SUCNR1: variants seen among roughly 807,000 people sequenced by gnomAD.
SUCNR1 encodes G-protein coupled receptor 91.
In SUCNR1, 5 loss-of-function variants were observed where a neutral mutation model predicts 2.4. The ratio of observed to expected loss-of-function variants is 2.07; its 90% CI spans 1.08 to 4.36. The LOEUF (loss-of-function observed/expected upper bound fraction) is 4.36, where lower values mean the gene tolerates loss of function less well. SUCNR1 is among the 30% of genes most tolerant of loss of function. The probability of loss-of-function intolerance (pLI) is 0.00; values close to 1 mark genes in which losing one functional copy is unlikely to be tolerated. For missense variants in SUCNR1, 373 were observed against 399.2 expected (o/e 0.93, Z 0.56); for synonymous variants, 162 against 143.9 (o/e 1.13, Z -0.90).
At chr3:151,879,570 T>C (rs1272018878) in intron 1 of SUCNR1, among the ~76,000 whole-genome samples, 1 of 152,196 alleles carries the variant, frequency 6.6e-6, no homozygotes. Context: ...GATACCTTGA[T>C]CTTGGACTTT....
intron 1 of SUCNR1, among the ~76,000 whole-genome samples, chr3:151,878,045 T>G (rs1056463760): frequency 6.6e-6 from 1 of 151,760 alleles, no homozygotes; most frequent in Non-Finnish European, 1.5e-5. Flanking sequence ...GAAGACAGAG[T>G]ATGAAAAACA....
At position 151,883,270 on chromosome 3, in the gene SUCNR1, G is replaced by T. The variant is rs1018720148; in HGVS notation, c.*1722G>T. The stretch of plus-strand genomic sequence containing the variant: ...CTTATCAGAAAGGGCCACAGAAAAG[G>T]CCTTAAGAAAGAAAGATTCACTTAC... On this transcript the variant is annotated 3_prime_UTR_variant, in exon 3 of 3. Coordinates refer to ENST00000362032, the MANE Select transcript of SUCNR1 (RefSeq NM_033050.6). The T allele has an allele frequency of 6.6e-6, 1 of 151,466 alleles. No homozygotes were observed. Among genetic ancestry groups the T allele is most frequent in the African/African-American group, 2.4e-5 (1 of 41,264 alleles). 9.4% of individuals were successfully genotyped at this position (151,466 alleles called of 1,614,324 possible).
In SUCNR1 at chr3:151,874,111, C is replaced by T. The variant is rs868862971; in HGVS notation, c.-42+405C>T. Among the ~76,000 whole-genome samples the T allele has an allele frequency of 7.5e-3, 689 of 92,136 alleles. 7 individuals are homozygous for T. Among genetic ancestry groups the T allele is most frequent in the African/African-American group, 0.029 (610 of 21,314 alleles). 60.4% of individuals were successfully genotyped at this position (92,136 alleles called of 152,430 possible). On this transcript the variant is annotated intron_variant, in intron 1 of 2. Coordinates refer to ENST00000362032, the MANE Select transcript of SUCNR1 (RefSeq NM_033050.6). ...ACACACACACACACACACACACACA[C>T]ACACATATACATACATATATATATA...
At position 151,881,695 on chromosome 3, in the gene SUCNR1, G is replaced by T. The variant is rs374093240; in HGVS notation, c.*147G>T. On this transcript the variant is annotated 3_prime_UTR_variant, in exon 3 of 3. Coordinates refer to ENST00000362032, the MANE Select transcript of SUCNR1 (RefSeq NM_033050.6). ...CCAGAGTATGTGAAAAGAATGGGAC[G>T]ACAAGAATGTACTGGTTTCTTCCTC... 5 of 712,730 alleles carry T rather than the reference G, an allele frequency of 7.0e-6. No individual in the cohort carries two copies. The highest frequency in any genetic ancestry group is 1.1e-5 in the Non-Finnish European group (5 of 443,812). The allele number at this position is 712,730 out of a possible 1,614,324, so 44.2% of individuals were successfully genotyped here. A position where few individuals can be genotyped will look rare whatever the true frequency, so the allele number is the denominator to read the frequency against.
chr3:151,876,556 CA>C (rs1266280905), intron 1 of SUCNR1, among the ~76,000 whole-genome samples: 2 of 152,012 alleles, frequency 1.3e-5, no homozygotes, highest in Non-Finnish European at 2.9e-5. Flanking sequence ...AAGCTATTAA[CA>C]TTTTGATGCA....
At chr3:151,877,508 A>G (rs1164063434) in intron 1 of SUCNR1, among the ~76,000 whole-genome samples, 1 of 152,188 alleles carries the variant, frequency 6.6e-6, no homozygotes, top group Non-Finnish European at 1.5e-5. Flanking sequence ...AATGAAAGCT[A>G]TAGAGCAGTA....
intron 1 of SUCNR1, among the ~76,000 whole-genome samples, chr3:151,876,734 T>C (rs1717934477): frequency 6.6e-6 from 1 of 152,044 alleles, no homozygotes; most frequent in African/African-American, 2.4e-5. Flanking sequence ...CTTATCATAT[T>C]ATATTATATA....
chr3:151,874,105 C>CATATAT (rs1319151155), intron 1 of SUCNR1, among the ~76,000 whole-genome samples: 6 of 131,214 alleles, frequency 4.6e-5, no homozygotes, highest in African/African-American at 1.9e-4. Context: ...CACACACACA[C>CATATAT]ACACACACAC....
Position 151,880,766 on chromosome 3 carries a change from A to C in SUCNR1, c.223A>C (p.Thr75Pro). The change falls in exon 3 of 3, where the codon ACC becomes CCC. Residue 75 changes from threonine to proline, a missense_variant. Thr to Pro is a conservative substitution (Grantham distance 38). This residue lies in a region of SUCNR1 where 184 missense variants were observed against 162.2 expected (regional missense o/e 1.13). Transcript: ENST00000362032. ...TGTCTCTGACTTAGCTTTTCTGTGCACCCTCCCCATGCTGATAAGGAGTTA... is the reference window on the plus strand; with the variant it reads ...TGTCTCTGACTTAGCTTTTCTGTGCCCCCTCCCCATGCTGATAAGGAGTTA... ...LSVSDLAFLC[T>P]LPMLIRSYAN... The C allele has an allele frequency of 6.2e-7, 1 of 1,613,956 alleles. No individual in the cohort carries two copies. The highest frequency in any genetic ancestry group is 1.3e-5 in the African/African-American group (1 of 74,986).
chr3:151,874,144 ATATTTTTTTTTTT>A (rs1417873470), intron 1 of SUCNR1, among the ~76,000 whole-genome samples: 983 of 62,900 alleles, frequency 0.016, 13 homozygotes, highest in Middle Eastern at 0.037. Context: ...ATATATATAT[ATATTTTTTTTTTT>A]TTTTTTTTTT....
At position 151,881,284 on chromosome 3, in the gene SUCNR1, C is replaced by G. The variant is rs375799840; in HGVS notation, c.741C>G (p.Pro247=). 2 of 1,614,090 alleles carry G rather than the reference C, an allele frequency of 1.2e-6. No individual in the cohort carries two copies. Among genetic ancestry groups the G allele is most frequent in the African/African-American group, 2.7e-5 (2 of 74,942 alleles). The change falls in exon 3 of 3, where the codon CCC becomes CCG. Residue 247 remains proline (P), a synonymous_variant. Coordinates refer to ENST00000362032, the MANE Select transcript of SUCNR1 (RefSeq NM_033050.6). The stretch of plus-strand genomic sequence containing the variant: ...TAATCTTCTCTGTGCTTTTTACACC[C>G]TATCACGTCATGCGGAATGTGAGGA... ...AVVIFSVLFT[P]YHVMRNVRIA... is the part of the protein sequence containing the mutation.
chr3:151,875,562 AT>A (rs1470901540), intron 1 of SUCNR1, among the ~76,000 whole-genome samples: 3 of 152,240 alleles, frequency 2.0e-5, no homozygotes, highest in Non-Finnish European at 4.4e-5. Context: ...AAAAAATCTC[AT>A]TTTTATGAAT....
intron 2 of SUCNR1, among the ~76,000 whole-genome samples, chr3:151,880,244 ATCAT>A (rs1449976422): frequency 1.1e-4 from 16 of 152,146 alleles, no homozygotes; most frequent in African/African-American, 3.9e-4. Context: ...CATTATTGGT[ATCAT>A]TCATTGTTTA....
In SUCNR1 at chr3:151,881,545, G is replaced by C. The variant is rs1228699349; in HGVS notation, c.1002G>C (p.Lys334Asn). 11 of 1,586,596 alleles carry C rather than the reference G, an allele frequency of 6.9e-6. No individual in the cohort carries two copies. The highest frequency in any genetic ancestry group is 9.4e-6 in the Non-Finnish European group (11 of 1,170,380). Reference sequence around the variant, plus strand: ...AACTCCTACTTTCATTCAGAGAAAAGTGAGGGGCTTGTGAAACAGATTGTT... The same window carrying C: ...AACTCCTACTTTCATTCAGAGAAAACTGAGGGGCTTGTGAAACAGATTGTT... Reference protein sequence around the residue: ...AHELLLSFREK With the variant: ...AHELLLSFREN The change falls in exon 3 of 3, where the codon AAG (lysine) becomes AAC (asparagine). Residue 334 changes from lysine (K) to asparagine (N), a missense_variant. By Grantham distance (94) the Lys-to-Asn change is moderately conservative. This residue lies in a region of SUCNR1 where 157 missense variants were observed against 178.7 expected (regional missense o/e 0.88). Transcript: ENST00000362032.
Position 151,883,022 on chromosome 3 carries a change from C to G in SUCNR1, c.*1474C>G, listed in dbSNP as rs551490637. The stretch of plus-strand genomic sequence containing the variant: ...TTTCTGAAATACTCTGGGAGGTATT[C>G]TGATATTTTTAAATCCCCCAATTTT... On this transcript the variant is annotated 3_prime_UTR_variant, in exon 3 of 3. Coordinates refer to ENST00000362032, the MANE Select transcript of SUCNR1 (RefSeq NM_033050.6). 4.6e-5 allele frequency: 7 copies of G among 152,116 alleles called. No homozygotes were observed. In the South Asian group the frequency reaches 1.5e-3, roughly 32 times the overall value. The allele number at this position is 152,116 out of a possible 1,614,324, so 9.4% of individuals were successfully genotyped here.
chr3:151,874,962 A>G (rs1008406720), intron 1 of SUCNR1, among the ~76,000 whole-genome samples: 1 of 152,072 alleles, frequency 6.6e-6, no homozygotes, highest in African/African-American at 2.4e-5. Flanking sequence ...CTAAGAAACT[A>G]TCACATATAT....
In SUCNR1 at chr3:151,875,925, T is replaced by C. The variant is rs76799827; in HGVS notation, c.-42+2219T>C. ...GTGATAGTTGCAGGAAATCAGGCTC[T>C]AGTTGCACAAGTCTTTGTGGCTATA... is the stretch of plus-strand genomic sequence containing the variant. On this transcript the variant is annotated intron_variant, in intron 1 of 2. Coordinates refer to ENST00000362032, the MANE Select transcript of SUCNR1 (RefSeq NM_033050.6). Among the ~76,000 whole-genome samples the C allele has an allele frequency of 4.9e-3, 754 of 152,354 alleles. 8 individuals are homozygous for C. Among genetic ancestry groups the C allele is most frequent in the African/African-American group, 0.017 (724 of 41,580 alleles).
At chr3:151,878,240 C>T (rs757920742) in intron 1 of SUCNR1, among the ~76,000 whole-genome samples, 46 of 151,982 alleles carry the variant, frequency 3.0e-4, no homozygotes, top group Non-Finnish European at 4.7e-4. Context: ...GAGAGGAACA[C>T]GTGAAACTAG....
At chr3:151,879,716 A>G (rs1301352438) in intron 1 of SUCNR1, 136 bp from the exon 2 acceptor site, 2 of 434,152 alleles carry the variant, frequency 4.6e-6, no homozygotes, top group Non-Finnish European at 4.1e-6. Context: ...ATTTTTAAAA[A>G]TTAAGTTTTA....
Sources: allele counts gnomAD v4.1 joint callset (sites outside exome capture counted in the v4.1 genomes callset), GRCh38; gene constraint gnomAD v4.1.1; regional missense constraint gnomAD v4.1.1; transcripts MANE v1.5; gene names NCBI Gene and HGNC (gene_info 2026-07-23, HGNC 2026-07-21).